The following DRC4 variants were observed in gnomAD, a reference collection of about 807,000 sequenced individuals.
DRC4 encodes the protein GAS-11.
At chr16:90,029,152 ACGGGGCAGGC>A in the DRC4 span, 4 of 1,352,388 alleles carry the variant, frequency 3.0e-6, no homozygotes, top group Non-Finnish European at 3.9e-6. Context: ...GGGGCAGCCT[ACGGGGCAGGC>A]TACGGGGCAG....
chr16:90,037,948 G>T, the DRC4 span: 1 of 1,051,612 alleles, frequency 9.5e-7, no homozygotes, highest in Non-Finnish European at 1.5e-6. Context: ...GCCCTGCAGT[G>T]GGGATGGCAC....
the DRC4 span, among the ~76,000 whole-genome samples, chr16:90,021,086 A>G: frequency 1.1e-4 from 17 of 152,242 alleles, no homozygotes; most frequent in Non-Finnish European, 2.1e-4. Context: ...CTCAGGGCTT[A>G]CTATAAATAA....
At chr16:90,031,251 G>C in the DRC4 span, 1 of 1,607,778 alleles carries the variant, frequency 6.2e-7, no homozygotes. Context: ...CCGTTGCCGT[G>C]CATGGGCCCC....
At chr16:90,037,153 C>A in the DRC4 span, 29 of 1,419,114 alleles carry the variant, frequency 2.0e-5, no homozygotes, top group Admixed American at 8.0e-5. Context: ...CAGGAGAGCA[C>A]CCAGCTCTCA....
At chr16:90,040,248 G>T in the DRC4 span, 1 of 1,517,924 alleles carries the variant, frequency 6.6e-7, no homozygotes, top group East Asian at 2.5e-5. Flanking sequence ...TTCCCAGCGA[G>T]ATGTCCCCAG....
At chr16:90,022,751 G>C in the DRC4 span, 1 of 1,387,380 alleles carries the variant, frequency 7.2e-7, no homozygotes. Flanking sequence ...GCGGGGCTGG[G>C]GTCCTCGGCA....
At chr16:90,042,331 C>T in the DRC4 span, 1 of 715,178 alleles carries the variant, frequency 1.4e-6, no homozygotes, top group Non-Finnish European at 2.5e-6. Flanking sequence ...CTGCTGACAA[C>T]CCTGTGTGGA....
At chr16:90,043,353 C>CA in the DRC4 span, 2 of 1,603,430 alleles carry the variant, frequency 1.2e-6, no homozygotes, top group African/African-American at 1.3e-5. Flanking sequence ...TAGCTGCCCC[C>CA]CTGGGGGGCC....
chr16:90,037,632 C>G, the DRC4 span: 2 of 1,028,296 alleles, frequency 1.9e-6, no homozygotes, highest in Admixed American at 1.8e-5. Context: ...TGAGACTCAG[C>G]TGCTTGTGTC....
chr16:90,035,932 C>CAGTAGT, the DRC4 span: 1 of 1,418,838 alleles, frequency 7.0e-7, no homozygotes, highest in Non-Finnish European at 9.2e-7. Context: ...TAGCTAAAAT[C>CAGTAGT]AGTAGTTATC....
chr16:90,023,305 G>A, the DRC4 span, among the ~76,000 whole-genome samples: 1 of 152,216 alleles, frequency 6.6e-6, no homozygotes, highest in Non-Finnish European at 1.5e-5. Context: ...CCCTTGGAAA[G>A]CCTGGCAGGA....
the DRC4 span, among the ~76,000 whole-genome samples, chr16:90,038,173 C>A: frequency 6.6e-6 from 1 of 152,286 alleles, no homozygotes; most frequent in East Asian, 1.9e-4. Flanking sequence ...TTCGTCCCCT[C>A]GAGAGCTCAC....
At chr16:90,039,855 T>C in the DRC4 span, 1 of 228,390 alleles carries the variant, frequency 4.4e-6, no homozygotes, top group African/African-American at 2.2e-5. Flanking sequence ...ACAGCACATG[T>C]GATGCCAGGA....
At chr16:90,035,319 C>A in the DRC4 span, among the ~76,000 whole-genome samples, 1 of 152,202 alleles carries the variant, frequency 6.6e-6, no homozygotes, top group African/African-American at 2.4e-5. Flanking sequence ...GGAATGAATC[C>A]TTTTAATATG....
chr16:90,041,237 T>G, the DRC4 span, among the ~76,000 whole-genome samples: 1 of 152,226 alleles, frequency 6.6e-6, no homozygotes, highest in African/African-American at 2.4e-5. Flanking sequence ...TAAATGTGGG[T>G]CAACCCCTCC....
At chr16:90,037,879 G>A in the DRC4 span, 1 of 1,595,582 alleles carries the variant, frequency 6.3e-7, no homozygotes, top group African/African-American at 1.3e-5. Flanking sequence ...CCTGCAGTTG[G>A]CGGTGGGTGT....
chr16:90,031,302 G>T, the DRC4 span: 1 of 1,612,336 alleles, frequency 6.2e-7, no homozygotes, highest in East Asian at 2.2e-5. Flanking sequence ...TGGCCAGGTG[G>T]AGGAGCATGT....
the DRC4 span, chr16:90,044,672 C>G: frequency 2.2e-6 from 1 of 464,280 alleles, no homozygotes; most frequent in Non-Finnish European, 4.5e-6. Flanking sequence ...GCCCCCCACC[C>G]CAGCTTTCCT....
the DRC4 span, chr16:90,044,327 C>T: frequency 4.8e-6 from 2 of 415,654 alleles, no homozygotes; most frequent in South Asian, 3.4e-5. Context: ...CTCGTAGAGT[C>T]TATTGCTGCC....
Sources: gnomAD v4.1 joint callset for allele counts (sites outside exome capture counted in the v4.1 genomes callset) on GRCh38, gnomAD v4.1.1 for gene constraint, MANE v1.5 for transcripts, NCBI Gene and HGNC (gene_info 2026-07-23, HGNC 2026-07-21) for gene names.